The following AP4E1 variants were observed in gnomAD, a reference collection of about 807,000 sequenced individuals.
AP4E1 encodes adaptor related protein complex 4 subunit epsilon 1.
In AP4E1, 56 loss-of-function variants were observed where a neutral mutation model predicts 128.2. The observed-to-expected ratio is 0.44, with a 90% CI of 0.35 to 0.55. The LOEUF (loss-of-function observed/expected upper bound fraction) is 0.55. AP4E1 is among the 20% of genes least tolerant of loss of function. AP4E1 has a pLI of 0.00. For missense variants in AP4E1, 1,324 were observed against 1,307.7 expected, an observed-to-expected ratio of 1.01 and a Z score of -0.19; for synonymous variants, 484 against 473.1, an observed-to-expected ratio of 1.02 and a Z score of -0.30.
rs779466797 is a variant in AP4E1 at position 50,908,871 on chromosome 15, C to T, written c.93C>T (p.Ser31=). ...PGGGPAAAKA[S]FSSRLGSLVR... ...GTGGGCCCGCGGCCGCCAAGGCGTC[C>T]TTCTCCTCGAGGCTGGGCAGCCTTG... Residue 31 remains serine, a synonymous_variant, in exon 1 of 21, where the codon TCC becomes TCT. Coordinates refer to ENST00000261842, the MANE Select transcript of AP4E1 (RefSeq NM_007347.5). The T allele has an allele frequency of 2.6e-5, 42 of 1,610,192 alleles. No homozygotes were observed. Among genetic ancestry groups the T allele is most frequent in the Middle Eastern group, 3.3e-4 (2 of 5,998 alleles).
Position 50,908,865 on chromosome 15 carries a change from G to A in AP4E1, c.87G>A (p.Lys29=), listed in dbSNP as rs754065099. Residue 29 remains lysine (K), a synonymous_variant, in exon 1 of 21, where the codon AAG becomes AAA. Coordinates refer to ENST00000261842, the MANE Select transcript of AP4E1 (RefSeq NM_007347.5). ...CCGGTGGTGGGCCCGCGGCCGCCAA[G>A]GCGTCCTTCTCCTCGAGGCTGGGCA... ...NQPGGGPAAA[K]ASFSSRLGSL... is the part of the protein sequence containing the mutation. The A allele has an allele frequency of 3.7e-6, 6 of 1,609,980 alleles. No individual in the cohort carries two copies. The highest frequency in any genetic ancestry group is 2.2e-5 in the East Asian group (1 of 44,786).
chr15:50,913,638 G>C (rs1399226220), intron 2 of AP4E1, among the ~76,000 whole-genome samples: 1 of 152,208 alleles, frequency 6.6e-6, no homozygotes, highest in Non-Finnish European at 1.5e-5. Flanking sequence ...ATCTCACTTA[G>C]ATAAAGTTCA....
At chr15:50,983,677 C>T (rs559076104) in intron 15 of AP4E1, among the ~76,000 whole-genome samples, 3 of 152,254 alleles carry the variant, frequency 2.0e-5, no homozygotes, top group East Asian at 1.9e-4. Flanking sequence ...TTCATTATAA[C>T]TCATTAAACA....
chr15:50,967,228 C>T (rs889468110), intron 14 of AP4E1, among the ~76,000 whole-genome samples: 1 of 152,176 alleles, frequency 6.6e-6, no homozygotes, highest in African/African-American at 2.4e-5. Flanking sequence ...ATGTCCATGA[C>T]TTAATCTCTG....
chr15:50,994,615 A>G (rs1275773310), intron 17 of AP4E1, among the ~76,000 whole-genome samples: 1 of 152,208 alleles, frequency 6.6e-6, no homozygotes, highest in Non-Finnish European at 1.5e-5. Context: ...ACATTTGCAG[A>G]TCAGCAGTAA....
At chr15:50,917,893 A>G (rs910665242) in intron 3 of AP4E1, 1 of 152,686 alleles carries the variant, frequency 6.5e-6, no homozygotes. Context: ...TGAGCTCAGA[A>G]GTTGGAGACC....
chr15:50,942,581 A>C (rs1177046963), intron 10 of AP4E1, among the ~76,000 whole-genome samples: 1 of 150,460 alleles, frequency 6.6e-6, no homozygotes, highest in African/African-American at 2.4e-5. Flanking sequence ...AGGCTTAATA[A>C]TATCATCATC....
In AP4E1 at chr15:51,003,868, T is replaced by C. The variant is rs2064992467; in HGVS notation, c.*1206T>C. 1 of 152,636 alleles carries C rather than the reference T, an allele frequency of 6.6e-6. No homozygotes were observed. Among genetic ancestry groups the C allele is most frequent in the East Asian group, 1.9e-4 (1 of 5,190 alleles). The allele number at this position is 152,636 out of a possible 1,614,324, so 9.5% of individuals were successfully genotyped here. On this transcript the variant is annotated 3_prime_UTR_variant, in exon 21 of 21. Transcript: ENST00000261842. ...TTAATACTCTGGTTAATTGGTACTGTTAATCACCCAGGTCAGGAATTCTGA... is the reference window on the plus strand; with the variant it reads ...TTAATACTCTGGTTAATTGGTACTGCTAATCACCCAGGTCAGGAATTCTGA...
At chr15:50,944,972 A>G in intron 10 of AP4E1, 6 of 766,440 alleles carry the variant, frequency 7.8e-6, no homozygotes, top group South Asian at 7.0e-5. Flanking sequence ...GTATCCATAC[A>G]ATACAAGCAC....
intron 16 of AP4E1, among the ~76,000 whole-genome samples, chr15:50,984,582 T>C (rs2064690637): frequency 6.6e-6 from 1 of 151,772 alleles, no homozygotes; most frequent in Non-Finnish European, 1.5e-5. Context: ...CTTGCGATAG[T>C]TTGCTGAGAA....
At chr15:50,980,004 G>A (rs1431424580) in intron 15 of AP4E1, among the ~76,000 whole-genome samples, 1 of 152,172 alleles carries the variant, frequency 6.6e-6, no homozygotes, top group Non-Finnish European at 1.5e-5. Flanking sequence ...GAAAATCTTA[G>A]ATTGCCGTAA....
intron 15 of AP4E1, among the ~76,000 whole-genome samples, chr15:50,972,999 G>T (rs974639649): frequency 5.9e-5 from 9 of 152,188 alleles, no homozygotes; most frequent in Non-Finnish European, 1.2e-4. Flanking sequence ...ATAAAGGAAA[G>T]AGTAACTTTG....
At chr15:50,960,022 G>C (rs1393671922) in intron 14 of AP4E1, among the ~76,000 whole-genome samples, 1 of 152,014 alleles carries the variant, frequency 6.6e-6, no homozygotes, top group African/African-American at 2.4e-5. Context: ...ATATAAAGGA[G>C]ACAAGAAATG....
intron 19 of AP4E1, among the ~76,000 whole-genome samples, chr15:51,000,347 C>T (rs979288014): frequency 1.3e-5 from 2 of 152,056 alleles, no homozygotes; most frequent in African/African-American, 2.4e-5. Flanking sequence ...TGCCATGTTG[C>T]TCAGGCTAGT....
chr15:50,908,817 G>T lies in AP4E1; in HGVS notation c.39G>T (p.Pro13=). ...TGGAGAAGACGCTGACGGCGCTGCC[G>T]GGACTCTTTCTGCAGAACCAGCCCG... ...DIVEKTLTAL[P]GLFLQNQPGG... The change falls in exon 1 of 21, where the codon CCG becomes CCT. Residue 13 remains proline (P), a synonymous_variant. Transcript: ENST00000261842. 1 of 1,604,378 alleles carries T rather than the reference G, an allele frequency of 6.2e-7. No homozygotes were observed. The highest frequency in any genetic ancestry group is 8.5e-7 in the Non-Finnish European group (1 of 1,176,722).
At chr15:50,934,719 T>C (rs2063884625) in intron 8 of AP4E1, 22 bp downstream of exon 8, 1 of 1,472,230 alleles carries the variant, frequency 6.8e-7, no homozygotes, top group African/African-American at 1.4e-5. Context: ...ATGTAAATAT[T>C]ACTCTAATGA....
intron 15 of AP4E1, among the ~76,000 whole-genome samples, chr15:50,979,334 T>G (rs905539410): frequency 6.6e-6 from 1 of 152,196 alleles, no homozygotes; most frequent in Non-Finnish European, 1.5e-5. Flanking sequence ...ATGAGGAATC[T>G]GCCTTCATGA....
intron 17 of AP4E1, among the ~76,000 whole-genome samples, chr15:50,995,891 AAAAAAAGACC>A (rs1000669271): frequency 1.1e-4 from 17 of 151,460 alleles, no homozygotes; most frequent in African/African-American, 4.1e-4. Context: ...AGACCAAAAA[AAAAAAAGACC>A]AGAAAAGACC....
At chr15:50,959,382 C>G (rs2064278779) in intron 14 of AP4E1, among the ~76,000 whole-genome samples, 1 of 151,942 alleles carries the variant, frequency 6.6e-6, no homozygotes, top group Non-Finnish European at 1.5e-5. Flanking sequence ...TTAGCAGAAA[C>G]CTTATTTTAT....
Sources: allele counts gnomAD v4.1 joint callset (sites outside exome capture counted in the v4.1 genomes callset), GRCh38; gene constraint gnomAD v4.1.1; transcripts MANE v1.5; gene names NCBI Gene and HGNC (gene_info 2026-07-23, HGNC 2026-07-21).